The following ZBTB8OS variants were observed in gnomAD, a reference collection of about 807,000 sequenced individuals.
The protein encoded by ZBTB8OS is tRNA splicing ligase complex subunit 1, also known as tRNA-splicing ligase-activating factor archease.
ZBTB8OS carries 16 observed loss-of-function variants against 29.3 expected under a neutral mutation model. The observed-to-expected ratio is 0.55, with a 90% CI of 0.37 to 0.83. The LOEUF (loss-of-function observed/expected upper bound fraction) is 0.83. Ranked by LOEUF, ZBTB8OS falls within the 40% of genes least tolerant of loss-of-function variation. ZBTB8OS has a pLI of 0.00. For synonymous variants in ZBTB8OS, 70 were observed against 64.6 expected (o/e 1.08, Z -0.40); for missense variants, 160 against 196.9 (o/e 0.81, Z 1.12).
chr1:32,641,033 C>T (rs560522287), intron 1 of ZBTB8OS, among the ~76,000 whole-genome samples: 1 of 68,042 alleles, frequency 1.5e-5, no homozygotes, highest in Non-Finnish European at 3.0e-5. Flanking sequence ...ATTAGCTGGG[C>T]ATGGTGGTGG....
chr1:32,637,623 C>A (rs1646078231), intron 1 of ZBTB8OS, among the ~76,000 whole-genome samples: 1 of 151,250 alleles, frequency 6.6e-6, no homozygotes, highest in African/African-American at 2.4e-5. Flanking sequence ...CTAAAATGGG[C>A]AAAATTAAGC....
At chr1:32,625,312 C>T (rs745969574) in intron 6 of ZBTB8OS, among the ~76,000 whole-genome samples, 1 of 151,938 alleles carries the variant, frequency 6.6e-6, no homozygotes, top group Non-Finnish European at 1.5e-5. Flanking sequence ...GTAGGTAAAT[C>T]ACCTGAGCTC....
rs373898019 is a variant in ZBTB8OS, at chr1:32,632,748, T to C, written c.328-869A>G. On this transcript the variant is annotated intron_variant, in intron 4 of 6. Transcript: ENST00000468695. ...GTCAAAAGAATTTCTCTGCAAGATA[T>C]ATGGTAGAGAACTACTCTGGGCACA... is the stretch of plus-strand genomic sequence containing the variant. Among the ~76,000 whole-genome samples the C allele has an allele frequency of 1.1e-4, 17 of 152,308 alleles. No homozygotes were observed. The East Asian group carries it at 2.9e-3, about 26-fold the overall frequency.
intron 1 of ZBTB8OS, among the ~76,000 whole-genome samples, chr1:32,642,877 C>T (rs892095345): frequency 7.1e-6 from 1 of 139,954 alleles, no homozygotes; most frequent in Non-Finnish European, 1.5e-5. Context: ...TCAAGGGATT[C>T]TCCTGCTCTC....
chr1:32,641,778 G>C lies in ZBTB8OS; in HGVS notation c.98-6986C>G, dbSNP rs374184424. 3.1e-4 allele frequency among the ~76,000 whole-genome samples: 47 copies of C among 151,428 alleles called. 2 individuals carry two copies. In the East Asian group the frequency reaches 8.9e-3, roughly 29 times the overall value. Reference sequence around the variant, plus strand: ...AAATACAAAAAAAAAAAAATTAGCCGGGCATGGTGGCTGGCGCCTGTAGTC... The same window carrying C: ...AAATACAAAAAAAAAAAAATTAGCCCGGCATGGTGGCTGGCGCCTGTAGTC... On this transcript the variant is annotated intron_variant, in intron 1 of 6. Transcript: ENST00000468695.
At chr1:32,650,922 A>C (rs1647467992), upstream of ZBTB8OS, 4 of 464,712 alleles carry the variant, frequency 8.6e-6, no homozygotes, top group South Asian at 1.1e-4. Flanking sequence ...ATAGCCTTCA[A>C]GAAAATGGCT....
chr1:32,642,917 C>T (rs368289445), intron 1 of ZBTB8OS, among the ~76,000 whole-genome samples: 5 of 142,292 alleles, frequency 3.5e-5, no homozygotes, highest in East Asian at 4.3e-4. Flanking sequence ...ATTACAGTCA[C>T]GCGCCACCAC....
intron 6 of ZBTB8OS, among the ~76,000 whole-genome samples, chr1:32,624,962 G>A (rs183085955): frequency 1.0e-3 from 155 of 151,762 alleles, no homozygotes; most frequent in Non-Finnish European, 1.8e-3. Flanking sequence ...AGTGGCTCAC[G>A]CTTATAATCC....
At chr1:32,629,744 TGTTTC>T (rs1557761006) in intron 5 of ZBTB8OS, among the ~76,000 whole-genome samples, 1 of 148,254 alleles carries the variant, frequency 6.7e-6, no homozygotes, top group African/African-American at 2.6e-5. Context: ...TGGACATGCT[TGTTTC>T]TTTTTTTTTT....
At chr1:32,623,177 A>G (rs1179962743) in intron 6 of ZBTB8OS, among the ~76,000 whole-genome samples, 1 of 152,232 alleles carries the variant, frequency 6.6e-6, no homozygotes, top group Non-Finnish European at 1.5e-5. Flanking sequence ...AAGATTTCAC[A>G]GAAGGATATA....
chr1:32,628,658 C>A lies in ZBTB8OS; in HGVS notation c.381-1114G>T, dbSNP rs1378875414. On this transcript the variant is annotated intron_variant, in intron 5 of 6. Coordinates refer to ENST00000468695, the MANE Select transcript of ZBTB8OS (RefSeq NM_178547.5). ...CTCAAAAAAAAAAAAAAATTTAATT[C>A]TAGTGGCCAGGCACAGTGGCTCCCA... Among the ~76,000 whole-genome samples, 6 of 142,494 alleles carry A rather than the reference C, an allele frequency of 4.2e-5. No homozygotes were observed. In the East Asian group the frequency reaches 1.3e-3, roughly 31 times the overall value. 93.5% of individuals were successfully genotyped at this position (142,494 alleles called of 152,430 possible).
intron 1 of ZBTB8OS, among the ~76,000 whole-genome samples, chr1:32,649,668 A>ACTT (rs1491538426): frequency 3.2e-5 from 1 of 31,130 alleles, no homozygotes; most frequent in African/African-American, 1.7e-4. Context: ...ACACACACAC[A>ACTT]TTTTTTTTTT....
At chr1:32,644,260 G>C (rs1370992206) in intron 1 of ZBTB8OS, among the ~76,000 whole-genome samples, 2 of 152,102 alleles carry the variant, frequency 1.3e-5, no homozygotes, top group African/African-American at 4.8e-5. Context: ...TATCTTATCA[G>C]TTAATTGCAT....
chr1:32,645,104 GGGA>G (rs779061403), intron 1 of ZBTB8OS, among the ~76,000 whole-genome samples: 2 of 151,836 alleles, frequency 1.3e-5, no homozygotes, highest in Non-Finnish European at 2.9e-5. Context: ...GTTTGCACCT[GGGA>G]GGAGGAGGTT....
intron 6 of ZBTB8OS, among the ~76,000 whole-genome samples, chr1:32,622,526 T>C (rs1644826106): frequency 6.6e-6 from 1 of 151,978 alleles, no homozygotes; most frequent in East Asian, 1.9e-4. Context: ...AAACATTGAG[T>C]ACACATGAAC....
rs1644755528 is a variant in ZBTB8OS at position 32,621,505 on chromosome 1, C to T, written c.*357G>A. On this transcript the variant is annotated 3_prime_UTR_variant, in exon 7 of 7. Transcript: ENST00000468695. ...TTTTTCAAGTTATTCTTCTTTCAAC[C>T]TGGATTCAGCCTCAGGCTGCTGCTG... 1 of 195,584 alleles carries T rather than the reference C, an allele frequency of 5.1e-6. No individual in the cohort carries two copies. Among genetic ancestry groups the T allele is most frequent in the South Asian group, 1.8e-4 (1 of 5,472 alleles). The allele number at this position is 195,584 out of a possible 1,614,324, so 12.1% of individuals were successfully genotyped here. A position where few individuals can be genotyped will look rare whatever the true frequency, so the allele number is the denominator to read the frequency against.
chr1:32,623,950 C>T (rs915457823), intron 6 of ZBTB8OS, among the ~76,000 whole-genome samples: 2 of 152,068 alleles, frequency 1.3e-5, no homozygotes, highest in East Asian at 1.9e-4. Flanking sequence ...ATCACGGGGG[C>T]GGTTTCCACC....
In ZBTB8OS at chr1:32,639,591, C is replaced by T. The variant is rs868677763; in HGVS notation, c.98-4799G>A. Among the ~76,000 whole-genome samples the T allele has an allele frequency of 3.3e-5, 5 of 152,076 alleles. No individual in the cohort carries two copies. In the South Asian group the frequency reaches 1.0e-3, roughly 32 times the overall value. On this transcript the variant is annotated intron_variant, in intron 1 of 6. Coordinates refer to ENST00000468695, the MANE Select transcript of ZBTB8OS (RefSeq NM_178547.5). ...CCTGGACAACATAGTGTGACTCCATCTCTTAAAAAGTTTTTAAAAAACCAG... is the reference window on the plus strand; with the variant it reads ...CCTGGACAACATAGTGTGACTCCATTTCTTAAAAAGTTTTTAAAAAACCAG...
At chr1:32,650,926 A>G (rs1252039505), upstream of ZBTB8OS, 5 of 463,892 alleles carry the variant, frequency 1.1e-5, no homozygotes, top group Non-Finnish European at 1.9e-5. Context: ...CCTTCAAGAA[A>G]ATGGCTGCCC....
Sources: allele counts gnomAD v4.1 joint callset (sites outside exome capture counted in the v4.1 genomes callset), GRCh38; gene constraint gnomAD v4.1.1; transcripts MANE v1.5; gene names NCBI Gene and HGNC (gene_info 2026-07-23, HGNC 2026-07-21).